The following CBFB variants were observed in gnomAD, a reference collection of about 807,000 sequenced individuals.
CBFB encodes the protein core-binding factor subunit beta, also known as CBF-beta.
Under a neutral mutation model 30.4 loss-of-function variants are expected in CBFB, and 9 were observed. The ratio of observed to expected loss-of-function variants is 0.30; its 90% CI spans 0.18 to 0.52. CBFB has a LOEUF of 0.52. Ranked by LOEUF, CBFB falls within the 20% of genes least tolerant of loss-of-function variation. CBFB has a pLI of 0.97. For synonymous variants in CBFB, 94 were observed against 84.0 expected, an observed-to-expected ratio of 1.12 and a Z score of -0.65; for missense variants, 170 against 244.0, an observed-to-expected ratio of 0.70 and a Z score of 2.02.
chr16:67,079,507 C>A (rs1961495783), intron 4 of CBFB, among the ~76,000 whole-genome samples: 1 of 147,902 alleles, frequency 6.8e-6, no homozygotes, highest in Admixed American at 6.9e-5. Flanking sequence ...TTATCAGAGG[C>A]CCTGGGTCTT....
At chr16:67,094,548 C>T (rs1424486465) in intron 5 of CBFB, among the ~76,000 whole-genome samples, 1 of 151,900 alleles carries the variant, frequency 6.6e-6, no homozygotes, top group Non-Finnish European at 1.5e-5. Flanking sequence ...TATTTTTGCC[C>T]CAAGACACAA....
chr16:67,082,257 A>T lies in CBFB; in HGVS notation c.444A>T (p.Arg148Ser), dbSNP rs762321075. The T allele has an allele frequency of 1.9e-6, 3 of 1,611,622 alleles. No individual in the cohort carries two copies. Among genetic ancestry groups the T allele is most frequent in the Non-Finnish European group, 2.5e-6 (3 of 1,178,068 alleles). The part of the protein sequence containing the change: ...LAQQAFEEAR[R>S]RTREFEDRDR... ...AACAGGCCTTTGAAGAGGCTCGGAG[A>T]AGGACACGCGAATTTGAAGATAGAG... Residue 148 changes from arginine to serine, a missense_variant, in exon 5 of 6, where the codon AGA becomes AGT. Transcript: ENST00000412916.
At position 67,036,765 on chromosome 16, in the gene CBFB, A is replaced by G. The variant is rs377384370; in HGVS notation, c.282+10A>G. On this transcript the variant is annotated intron_variant, in intron 3 of 5. Coordinates refer to ENST00000412916, the MANE Select transcript of CBFB (RefSeq NM_022845.3). ...AAGAGAAGCAGGCAAGGTAGGAAAC[A>G]TTTCTTTGCAATTTAAAATACTGTG... 103 of 1,468,608 alleles carry G rather than the reference A, an allele frequency of 7.0e-5. No homozygotes were observed. Among genetic ancestry groups the G allele is most frequent in the Non-Finnish European group, 9.3e-5 (97 of 1,047,774 alleles). 91.0% of individuals were successfully genotyped at this position (1,468,608 alleles called of 1,614,324 possible).
At chr16:67,080,888 GT>G (rs1194935214) in intron 4 of CBFB, among the ~76,000 whole-genome samples, 45 of 152,282 alleles carry the variant, frequency 3.0e-4, no homozygotes, top group Admixed American at 9.8e-4. Flanking sequence ...AGCATTTTCA[GT>G]TGTTAGAATA....
intron 3 of CBFB, among the ~76,000 whole-genome samples, chr16:67,040,002 GA>G (rs565767876): frequency 2.6e-5 from 4 of 151,712 alleles, no homozygotes; most frequent in East Asian, 3.9e-4. Flanking sequence ...TTTTCTAGAA[GA>G]AAAAAAAGCA....
At chr16:67,075,027 A>G (rs111872663) in intron 4 of CBFB, among the ~76,000 whole-genome samples, 2 of 151,938 alleles carry the variant, frequency 1.3e-5, no homozygotes, top group African/African-American at 4.8e-5. Flanking sequence ...CATCTCTACT[A>G]AAAAATACAA....
chr16:67,058,206 T>C (rs1412389332), intron 3 of CBFB, among the ~76,000 whole-genome samples: 2 of 152,290 alleles, frequency 1.3e-5, no homozygotes, highest in Middle Eastern at 3.4e-3. Flanking sequence ...AGTGGCACCA[T>C]CTTGGCTCAC....
chr16:67,079,867 C>G (rs1003391965), intron 4 of CBFB, among the ~76,000 whole-genome samples: 14 of 152,100 alleles, frequency 9.2e-5, no homozygotes, highest in African/African-American at 3.4e-4. Context: ...GGTATTCTGG[C>G]CAGACACAGT....
At chr16:67,059,347 C>G (rs900052914) in intron 3 of CBFB, among the ~76,000 whole-genome samples, 1 of 152,140 alleles carries the variant, frequency 6.6e-6, no homozygotes, top group African/African-American at 2.4e-5. Context: ...CATTTACCAT[C>G]TCAGGCCCTG....
chr16:67,098,512 G>T (rs1333501811), intron 5 of CBFB, among the ~76,000 whole-genome samples, 198 bp from the exon 6 acceptor site: 2 of 151,878 alleles, frequency 1.3e-5, no homozygotes, highest in African/African-American at 2.4e-5. Flanking sequence ...TTTTATTCTT[G>T]ATTTTTAAGG....
At chr16:67,045,410 G>A (rs1267759852) in intron 3 of CBFB, among the ~76,000 whole-genome samples, 1 of 152,108 alleles carries the variant, frequency 6.6e-6, no homozygotes, top group East Asian at 1.9e-4. Flanking sequence ...CCAGCTACTT[G>A]GGAGACTGAG....
intron 2 of CBFB, among the ~76,000 whole-genome samples, chr16:67,033,303 A>T (rs539990767): frequency 6.6e-6 from 1 of 152,368 alleles, no homozygotes; most frequent in Non-Finnish European, 1.5e-5. Flanking sequence ...TCAGCATTAA[A>T]TAAAAGTGAA....
At chr16:67,050,031 T>C (rs1035204918) in intron 3 of CBFB, among the ~76,000 whole-genome samples, 2 of 151,860 alleles carry the variant, frequency 1.3e-5, no homozygotes, top group African/African-American at 2.4e-5. Flanking sequence ...GTCTGTTCTT[T>C]GCATACTACA....
intron 3 of CBFB, among the ~76,000 whole-genome samples, chr16:67,045,886 C>A (rs894916082): frequency 6.6e-6 from 1 of 151,308 alleles, no homozygotes; most frequent in Non-Finnish European, 1.5e-5. Context: ...ACCTCCGCCT[C>A]CCAGGTTCAA....
At chr16:67,094,939 G>A (rs1045917294) in intron 5 of CBFB, among the ~76,000 whole-genome samples, 6 of 152,098 alleles carry the variant, frequency 3.9e-5, no homozygotes, top group Non-Finnish European at 5.9e-5. Context: ...GAAAGAGGCC[G>A]GATTTGGTGG....
At chr16:67,038,183 T>TAG (rs1252273938) in intron 3 of CBFB, among the ~76,000 whole-genome samples, 1 of 152,074 alleles carries the variant, frequency 6.6e-6, no homozygotes. Context: ...ACTAAATTAA[T>TAG]TTTCTAAGTG....
chr16:67,030,538 G>C (rs1966320607), intron 2 of CBFB, among the ~76,000 whole-genome samples: 1 of 152,028 alleles, frequency 6.6e-6, no homozygotes, highest in Non-Finnish European at 1.5e-5. Flanking sequence ...CATCTTTTTG[G>C]TTTGCCTTGT....
intron 5 of CBFB, among the ~76,000 whole-genome samples, chr16:67,084,677 A>G (rs188383218): frequency 3.9e-5 from 6 of 152,334 alleles, no homozygotes; most frequent in Admixed American, 2.0e-4. Flanking sequence ...TTTTAAGTCA[A>G]TGTTACATAA....
rs1239451370 is a variant in CBFB at position 67,098,770 on chromosome 16, C to T, written c.556C>T (p.Leu186Phe). The T allele has an allele frequency of 6.3e-7, 1 of 1,590,138 alleles. No individual in the cohort carries two copies. Among genetic ancestry groups the T allele is most frequent in the African/African-American group, 1.3e-5 (1 of 74,400 alleles). Residue 186 changes from leucine to phenylalanine, a missense_variant, in exon 6 of 6, where the codon CTT (leucine) becomes TTT (phenylalanine). Transcript: ENST00000412916. Reference sequence around the variant, plus strand: ...TTTAGGTGGTGGTGATGACCTCAAACTTCGTTAATTAATAGCACAGCAGAT... The same window carrying T: ...TTTAGGTGGTGGTGATGACCTCAAATTTCGTTAATTAATAGCACAGCAGAT... ...SNLGGGDDLK[L>F]R
Sources: allele counts gnomAD v4.1 joint callset (sites outside exome capture counted in the v4.1 genomes callset), GRCh38; gene constraint gnomAD v4.1.1; transcripts MANE v1.5; gene names NCBI Gene and HGNC (gene_info 2026-07-23, HGNC 2026-07-21).